The following TDRD5 variants were observed in gnomAD, a reference collection of about 807,000 sequenced individuals.
TDRD5 encodes the protein tudor domain-containing protein 5.
A neutral mutation model predicts 120.6 loss-of-function variants in TDRD5; 41 were observed. The observed-to-expected ratio is 0.34, with a 90% CI of 0.26 to 0.44. The LOEUF is 0.44. TDRD5 is among the 20% of genes least tolerant of loss of function. The probability of loss-of-function intolerance (pLI) is 1.00; values close to 1 mark genes in which losing one functional copy is unlikely to be tolerated. For synonymous variants in TDRD5, 430 were observed against 433.7 expected (o/e 0.99, Z 0.11); for missense variants, 1,006 against 1,221.2 (o/e 0.82, Z 2.63).
chr1:179,656,783 G>A (rs1679028805), intron 14 of TDRD5, among the ~76,000 whole-genome samples: 1 of 152,170 alleles, frequency 6.6e-6, no homozygotes, highest in Admixed American at 6.5e-5. Context: ...TGGGCGCAGT[G>A]GCTCATGCCT....
intron 17 of TDRD5, among the ~76,000 whole-genome samples, chr1:179,674,601 T>G (rs1195610071): frequency 1.2e-4 from 18 of 152,206 alleles, no homozygotes; most frequent in Admixed American, 1.2e-3. Flanking sequence ...TTTGGAATAC[T>G]GTCAATAGGA....
intron 9 of TDRD5, 32 bp downstream of exon 9, chr1:179,635,919 A>G: frequency 1.3e-6 from 2 of 1,597,096 alleles, no homozygotes; most frequent in East Asian, 2.2e-5. Context: ...TGTGTTTTTC[A>G]CATGTCTCTT....
At chr1:179,621,132 T>C in intron 6 of TDRD5, 41 bp downstream of exon 6, 1 of 1,553,030 alleles carries the variant, frequency 6.4e-7, no homozygotes, top group Non-Finnish European at 8.7e-7. Context: ...TTTTTATGGC[T>C]TATATTTCTT....
chr1:179,665,788 A>C (rs1345788237), intron 16 of TDRD5, among the ~76,000 whole-genome samples: 1 of 152,120 alleles, frequency 6.6e-6, no homozygotes, highest in Non-Finnish European at 1.5e-5. Context: ...TTTCTTAAGA[A>C]AGTTTTCTTT....
At chr1:179,651,717 T>C (rs1678721971) in intron 12 of TDRD5, among the ~76,000 whole-genome samples, 1 of 152,076 alleles carries the variant, frequency 6.6e-6, no homozygotes. Context: ...ATCGAGACCA[T>C]CCTGGCTAAC....
intron 17 of TDRD5, among the ~76,000 whole-genome samples, chr1:179,674,914 ATTTGGATCCTCTCTC>A (rs1415978585): frequency 6.6e-6 from 1 of 152,042 alleles, no homozygotes; most frequent in Non-Finnish European, 1.5e-5. Context: ...AATTGAGTTT[ATTTGGATCCTCTCTC>A]TTCTTTTCTT....
In TDRD5 at chr1:179,689,256, A is replaced by G. The variant is rs369726572; in HGVS notation, c.2861-1440A>G. On this transcript the variant is annotated intron_variant, in intron 17 of 17. Transcript: ENST00000444136. ...GGTGTGGATGTCCTTTCTGTTTGTT[A>G]GTTTTCCTTCTAACAGTCAGGACCC... Among the ~76,000 whole-genome samples, 19 of 151,992 alleles carry G rather than the reference A, an allele frequency of 1.3e-4. No individual in the cohort carries two copies. In the East Asian group the frequency reaches 3.3e-3, roughly 26 times the overall value.
intron 5 of TDRD5, 131 bp from the exon 6 acceptor site, chr1:179,620,904 C>T: frequency 5.1e-6 from 3 of 587,436 alleles, no homozygotes; most frequent in Non-Finnish European, 5.3e-6. Flanking sequence ...CAAAAAAAAA[C>T]AATTTAATAT....
At chr1:179,634,025 GC>G (rs777029889) in intron 7 of TDRD5, among the ~76,000 whole-genome samples, 35 of 151,968 alleles carry the variant, frequency 2.3e-4, no homozygotes, top group Non-Finnish European at 4.6e-4. Flanking sequence ...CAAGAAATTA[GC>G]CCGGCATGGT....
intron 9 of TDRD5, among the ~76,000 whole-genome samples, chr1:179,637,137 CATTTT>C (rs1264105045): frequency 6.6e-6 from 1 of 152,122 alleles, no homozygotes; most frequent in Non-Finnish European, 1.5e-5. Flanking sequence ...TAATTTATTT[CATTTT>C]ATTTTGTATC....
chr1:179,621,029 T>C lies in TDRD5; in HGVS notation c.916-6T>C. On this transcript the variant is annotated splice_polypyrimidine_tract_variant and splice_region_variant and intron_variant, in intron 5 of 17. Transcript: ENST00000444136. Reference sequence around the variant, plus strand: ...TCTATATTGTATTTCACTTTCTATTTGTTAGGTTGTATCTAAGTTCCCAGA... The same window carrying C: ...TCTATATTGTATTTCACTTTCTATTCGTTAGGTTGTATCTAAGTTCCCAGA... 4.4e-6 allele frequency: 7 copies of C among 1,596,104 alleles called. No homozygotes were observed. Among genetic ancestry groups the C allele is most frequent in the South Asian group, 1.1e-5 (1 of 88,090 alleles).
chr1:179,662,870 C>A (rs1679386061), intron 15 of TDRD5, among the ~76,000 whole-genome samples: 1 of 152,084 alleles, frequency 6.6e-6, no homozygotes, highest in Admixed American at 6.5e-5. Context: ...CCCTTAGGAT[C>A]TATAAATAAA....
chr1:179,592,518 T>G, intron 1 of TDRD5, 84 bp from the exon 2 acceptor site: 5 of 1,089,716 alleles, frequency 4.6e-6, no homozygotes, highest in Non-Finnish European at 6.7e-6. Flanking sequence ...GGAGTCTCAG[T>G]TATTTGTATC....
intron 4 of TDRD5, among the ~76,000 whole-genome samples, chr1:179,614,961 A>T (rs780689190): frequency 3.9e-5 from 6 of 152,150 alleles, no homozygotes; most frequent in African/African-American, 7.2e-5. Context: ...AACATGATAC[A>T]CAATAGATCT....
At chr1:179,688,702 C>G (rs997573409) in intron 17 of TDRD5, among the ~76,000 whole-genome samples, 1 of 152,182 alleles carries the variant, frequency 6.6e-6, no homozygotes, top group African/African-American at 2.4e-5. Flanking sequence ...TAGATTTGGT[C>G]TTTTCACATA....
intron 11 of TDRD5, among the ~76,000 whole-genome samples, chr1:179,644,012 C>T (rs1678202075): frequency 6.6e-6 from 1 of 152,046 alleles, no homozygotes; most frequent in African/African-American, 2.4e-5. Flanking sequence ...AAAGGAACAA[C>T]ATTGAAGTCT....
intron 11 of TDRD5, among the ~76,000 whole-genome samples, chr1:179,647,814 G>T (rs1178484114): frequency 6.8e-6 from 1 of 146,664 alleles, no homozygotes; most frequent in Admixed American, 6.9e-5. Context: ...CTCAAAAGAA[G>T]ACATTTATGC....
At chr1:179,613,777 T>A (rs1676411102) in intron 4 of TDRD5, among the ~76,000 whole-genome samples, 1 of 152,142 alleles carries the variant, frequency 6.6e-6, no homozygotes, top group Non-Finnish European at 1.5e-5. Context: ...TACTATCACC[T>A]TGGGGGTTAG....
At chr1:179,640,081 G>A (rs1055875159) in intron 10 of TDRD5, 30 bp downstream of exon 10, 4 of 1,606,644 alleles carry the variant, frequency 2.5e-6, no homozygotes, top group Non-Finnish European at 3.4e-6. Context: ...AACAATGGAT[G>A]AATTAAATTT....
Sources: gnomAD v4.1 joint callset for allele counts (sites outside exome capture counted in the v4.1 genomes callset) on GRCh38, gnomAD v4.1.1 for gene constraint, MANE v1.5 for transcripts, NCBI Gene and HGNC (gene_info 2026-07-23, HGNC 2026-07-21) for gene names.